Variants in DNPEP observed in about 807,000 individuals in gnomAD.
DNPEP encodes the protein aspartyl aminopeptidase.
A neutral mutation model predicts 59.1 loss-of-function variants in DNPEP; 46 were observed. The ratio of observed to expected loss-of-function variants is 0.78; its 90% CI spans 0.61 to 0.99. The LOEUF is 0.99. Among genes scored for constraint, DNPEP ranks in the 50% least tolerant of loss-of-function variants. The pLI is 0.00. For missense variants in DNPEP, 617 were observed against 649.9 expected (o/e 0.95, Z 0.55); for synonymous variants, 229 against 242.2 (o/e 0.95, Z 0.50).
intron 4 of DNPEP, 85 bp downstream of exon 4, chr2:219,386,580 G>A (rs754315267): frequency 1.7e-4 from 252 of 1,446,826 alleles, no homozygotes; most frequent in Non-Finnish European, 2.2e-4. Flanking sequence ...GGGGATAGAG[G>A]CCCCAGTTTG....
intron 13 of DNPEP, among the ~76,000 whole-genome samples, chr2:219,380,364 G>A (rs1005129606): frequency 6.6e-6 from 1 of 151,880 alleles, no homozygotes; most frequent in Admixed American, 6.6e-5. Context: ...TGGGACTACA[G>A]GCATGCACCA....
chr2:219,388,877 C>T (rs1393494475), upstream of DNPEP: 7 of 985,154 alleles, frequency 7.1e-6, no homozygotes, highest in South Asian at 2.8e-4. Flanking sequence ...TGTACTCTTA[C>T]TGTCCCCAGT....
Position 219,387,892 on chromosome 2 carries a change from C to G in DNPEP, c.-98G>C. The G allele has an allele frequency of 2.1e-6, 3 of 1,414,748 alleles. No individual in the cohort carries two copies. Among genetic ancestry groups the G allele is most frequent in the South Asian group, 3.0e-5 (2 of 66,908 alleles). The allele number at this position is 1,414,748 out of a possible 1,614,324, so 87.6% of individuals were successfully genotyped here. A position where few individuals can be genotyped will look rare whatever the true frequency, so the allele number is the denominator to read the frequency against. ...GTGCCCCTTCAGGCCGCGCCGCACTCGTAGGCCTTCATCACGCTTCCCCGG... is the reference window on the plus strand; with the variant it reads ...GTGCCCCTTCAGGCCGCGCCGCACTGGTAGGCCTTCATCACGCTTCCCCGG... On this transcript the variant is annotated 5_prime_UTR_variant, in exon 1 of 15. Coordinates refer to ENST00000273075, the MANE Select transcript of DNPEP (RefSeq NM_012100.4).
upstream of DNPEP, among the ~76,000 whole-genome samples, chr2:219,392,777 T>C (rs1026826362): frequency 1.3e-5 from 2 of 152,208 alleles, no homozygotes; most frequent in East Asian, 3.8e-4. Flanking sequence ...CCCAAAGTGC[T>C]GGGATTACAC....
upstream of DNPEP, among the ~76,000 whole-genome samples, chr2:219,390,092 G>A (rs191541568): frequency 6.1e-3 from 929 of 151,920 alleles, 3 homozygotes; most frequent in South Asian, 1.0e-2. Context: ...AAAGTGAGCC[G>A]GGAGTGGTGG....
At chr2:219,376,490 AAAAAAAAAAGAAAAAG>A (rs1953378366) in intron 13 of DNPEP, among the ~76,000 whole-genome samples, 1 of 151,836 alleles carries the variant, frequency 6.6e-6, no homozygotes, top group African/African-American at 2.4e-5. Context: ...CCTGTCTAAA[AAAAAAAAAAGAAAAAG>A]AAAAAAAAAG....
chr2:219,385,861 A>T, intron 6 of DNPEP, 107 bp downstream of exon 6: 1 of 1,502,336 alleles, frequency 6.7e-7, no homozygotes, highest in Non-Finnish European at 9.0e-7. Flanking sequence ...CTTAGAAATT[A>T]ACTGGGTCCC....
upstream of DNPEP, among the ~76,000 whole-genome samples, chr2:219,388,192 C>G (rs542448305): frequency 2.5e-3 from 365 of 144,448 alleles, 1 homozygote; most frequent in Non-Finnish European, 4.6e-3. Flanking sequence ...CTTCCTCGTC[C>G]GCCCCGCCTC....
intron 13 of DNPEP, among the ~76,000 whole-genome samples, chr2:219,376,948 T>C (rs1282311429): frequency 6.6e-6 from 1 of 152,078 alleles, no homozygotes; most frequent in African/African-American, 2.4e-5. Flanking sequence ...TGATGCCATA[T>C]GAATACACCA....
At position 219,387,152 on chromosome 2, in the gene DNPEP, G is replaced by T; in HGVS notation, c.48C>A (p.Asn16Lys). 1 of 1,560,058 alleles carries T rather than the reference G, an allele frequency of 6.4e-7. No homozygotes were observed. The highest frequency in any genetic ancestry group is 8.7e-7 in the Non-Finnish European group (1 of 1,151,342). ...GCACCGCCTCTTTGCGGGCCTTACC[G>T]TTCATGGCCACCTAGGGGAGGGGGA... Reference protein sequence around the residue: ...PTRGAMQVAMNGKARKEAVQT... With the variant: ...PTRGAMQVAMKGKARKEAVQT... Residue 16 changes from asparagine to lysine, a missense_variant, in exon 2 of 15, where the codon AAC becomes AAA. Physicochemically the swap from Asn to Lys is moderately conservative, Grantham distance 94. Coordinates refer to ENST00000273075, the MANE Select transcript of DNPEP (RefSeq NM_012100.4).
intron 10 of DNPEP, 24 bp downstream of exon 10, chr2:219,383,107 C>T (rs1464719540): frequency 3.7e-6 from 6 of 1,607,584 alleles, no homozygotes; most frequent in Middle Eastern, 1.7e-4. Context: ...GCAGAGGTGA[C>T]CCTCCCCAGA....
intron 13 of DNPEP, among the ~76,000 whole-genome samples, chr2:219,378,854 C>G (rs1953476240): frequency 2.8e-5 from 1 of 35,670 alleles, no homozygotes; most frequent in African/African-American, 9.9e-5. Flanking sequence ...GTACAGTATG[C>G]AATACCTAAG....
At chr2:219,398,751 C>T (rs1954138275) in intron 1 of DNPEP, among the ~76,000 whole-genome samples, 1 of 152,222 alleles carries the variant, frequency 6.6e-6, no homozygotes, top group South Asian at 2.1e-4. Context: ...TGAGGGTTTT[C>T]AGGCCCTGTG....
chr2:219,390,321 C>T (rs569375165), upstream of DNPEP, among the ~76,000 whole-genome samples: 10 of 152,086 alleles, frequency 6.6e-5, no homozygotes, highest in South Asian at 6.2e-4. Context: ...AGAAAATAAA[C>T]GATCAAGCTA....
At chr2:219,380,308 C>T (rs944756841) in intron 13 of DNPEP, among the ~76,000 whole-genome samples, 8 of 151,546 alleles carry the variant, frequency 5.3e-5, no homozygotes, top group Non-Finnish European at 7.4e-5. Context: ...GTCCACCTCC[C>T]GGGCTCAAGA....
chr2:219,395,839 A>G (rs376861807), intron 1 of DNPEP, among the ~76,000 whole-genome samples: 1 of 152,198 alleles, frequency 6.6e-6, no homozygotes, highest in African/African-American at 2.4e-5. Context: ...GTCTCTGTCA[A>G]CTGGAAGTAA....
chr2:219,393,077 G>A (rs1486323639), upstream of DNPEP, among the ~76,000 whole-genome samples: 1 of 152,142 alleles, frequency 6.6e-6, no homozygotes, highest in African/African-American at 2.4e-5. Flanking sequence ...CGGTCTTTTG[G>A]CTTCCCTGGG....
At chr2:219,378,351 C>T (rs990401838) in intron 13 of DNPEP, among the ~76,000 whole-genome samples, 1 of 152,216 alleles carries the variant, frequency 6.6e-6, no homozygotes, top group Non-Finnish European at 1.5e-5. Flanking sequence ...ATTCCTGGCC[C>T]CCCTTGGGGC....
chr2:219,394,428 T>C (rs760106402), intron 1 of DNPEP, among the ~76,000 whole-genome samples: 1 of 152,134 alleles, frequency 6.6e-6, no homozygotes, highest in Non-Finnish European at 1.5e-5. Flanking sequence ...TTTAATGTTG[T>C]TATTATTTTA....
Sources: gnomAD v4.1 joint callset for allele counts (sites outside exome capture counted in the v4.1 genomes callset) on GRCh38, gnomAD v4.1.1 for gene constraint, MANE v1.5 for transcripts, NCBI Gene and HGNC (gene_info 2026-07-23, HGNC 2026-07-21) for gene names.